CCSER1: variants seen among roughly 807,000 people sequenced by gnomAD.
The protein encoded by CCSER1 is coiled-coil serine rich protein 1, also known as serine-rich coiled-coil domain-containing protein 1.
CCSER1 carries 41 observed loss-of-function variants against 82.0 expected under a neutral mutation model. The observed-to-expected ratio is 0.50, with a 90% confidence interval of 0.39 to 0.65. The LOEUF (loss-of-function observed/expected upper bound fraction) is 0.65. Among genes scored for constraint, CCSER1 ranks in the 30% least tolerant of loss-of-function variants. The probability of loss-of-function intolerance (pLI) is 0.00; values close to 1 mark genes in which losing one functional copy is unlikely to be tolerated. For synonymous variants in CCSER1, 414 were observed against 383.9 expected (o/e 1.08, Z -0.92); for missense variants, 1,119 against 1,064.2 (o/e 1.05, Z -0.72).
At chr4:90,245,615 TTTATG>T (rs1721285260) in intron 1 of CCSER1, among the ~76,000 whole-genome samples, 1 of 152,138 alleles carries the variant, frequency 6.6e-6, no homozygotes, top group South Asian at 2.1e-4. Context: ...CAAGGTAACC[TTTATG>T]TTATATTTCC....
At chr4:90,567,037 C>CAAAA (rs142427787) in intron 5 of CCSER1, among the ~76,000 whole-genome samples, 1 of 150,752 alleles carries the variant, frequency 6.6e-6, no homozygotes, top group African/African-American at 2.4e-5. Context: ...AAAACAAAAA[C>CAAAA]AAAAAAACCT....
At chr4:91,418,432 CATA>C (rs1753507350) in intron 10 of CCSER1, among the ~76,000 whole-genome samples, 1 of 150,558 alleles carries the variant, frequency 6.6e-6, no homozygotes, top group African/African-American at 2.5e-5. Flanking sequence ...TACAAAAGAT[CATA>C]ATACTATGAA....
chr4:90,516,012 G>T (rs1772212744), intron 5 of CCSER1, among the ~76,000 whole-genome samples: 2 of 152,106 alleles, frequency 1.3e-5, no homozygotes, highest in Non-Finnish European at 2.9e-5. Context: ...CATGAAGCCT[G>T]GAATCAAGTG....
intron 4 of CCSER1, among the ~76,000 whole-genome samples, chr4:90,433,198 C>T (rs1017708255): frequency 3.3e-5 from 5 of 152,106 alleles, no homozygotes; most frequent in South Asian, 2.1e-4. Context: ...TGTGCATTAG[C>T]GCCCCACATT....
intron 6 of CCSER1, 115 bp from the exon 7 acceptor site, chr4:90,723,799 T>C (rs1349659941): frequency 2.3e-6 from 1 of 443,214 alleles, no homozygotes; most frequent in Admixed American, 4.1e-5. Flanking sequence ...TTTTTTACAT[T>C]CATATTTTAC....
At chr4:90,512,307 C>CA (rs34130886) in intron 5 of CCSER1, among the ~76,000 whole-genome samples, 2,073 of 110,284 alleles carry the variant, frequency 0.019, 37 homozygotes, top group African/African-American at 0.057. Flanking sequence ...GAATTCCAAG[C>CA]AAAAAAAAAA....
rs187465156 is a variant in CCSER1, at chr4:91,350,657, G to A, written c.2218-247915G>A. ...ACTTTTGCAGTTTAAAAATTTGACTGCAGAACGTTGATAGTTTAACATTGA... is the reference window on the plus strand; with the variant it reads ...ACTTTTGCAGTTTAAAAATTTGACTACAGAACGTTGATAGTTTAACATTGA... On this transcript the variant is annotated intron_variant, in intron 10 of 10. Transcript: ENST00000509176. 2.0e-4 allele frequency among the ~76,000 whole-genome samples: 31 copies of A among 152,134 alleles called. No homozygotes were observed. In the East Asian group the frequency reaches 4.6e-3, roughly 23 times the overall value.
chr4:91,224,653 C>T (rs1417056889), intron 10 of CCSER1, among the ~76,000 whole-genome samples: 1 of 151,948 alleles, frequency 6.6e-6, no homozygotes, highest in Admixed American at 6.6e-5. Context: ...AATTAGGAAA[C>T]CTAAAGGGTC....
At chr4:90,717,543 C>CA (rs1741841740) in intron 6 of CCSER1, among the ~76,000 whole-genome samples, 1 of 152,022 alleles carries the variant, frequency 6.6e-6, no homozygotes, top group African/African-American at 2.4e-5. Context: ...ATGGAATATG[C>CA]ACCACTTAGA....
chr4:91,159,844 T>C (rs75714308), intron 10 of CCSER1, among the ~76,000 whole-genome samples: 1 of 151,978 alleles, frequency 6.6e-6, no homozygotes, highest in African/African-American at 2.4e-5. Flanking sequence ...AAGATATTTT[T>C]AATACCATGA....
intron 7 of CCSER1, among the ~76,000 whole-genome samples, chr4:90,796,417 T>TA (rs762470908): frequency 8.0e-5 from 11 of 137,610 alleles, no homozygotes; most frequent in East Asian, 2.0e-4. Context: ...TGTACTAAAT[T>TA]TAAAAAAAAA....
chr4:90,432,578 CCT>C (rs765341610), intron 4 of CCSER1, among the ~76,000 whole-genome samples: 6 of 150,872 alleles, frequency 4.0e-5, no homozygotes, highest in African/African-American at 7.3e-5. Flanking sequence ...TTCCTTCTTT[CCT>C]CTCTCTCTCT....
chr4:90,143,335 C>G (rs1440707536), intron 1 of CCSER1, among the ~76,000 whole-genome samples: 1 of 152,022 alleles, frequency 6.6e-6, no homozygotes, highest in African/African-American at 2.4e-5. Flanking sequence ...TACCATATAC[C>G]TTTCTTTCAT....
chr4:90,448,331 A>G (rs1469366690), intron 4 of CCSER1, among the ~76,000 whole-genome samples: 1 of 151,214 alleles, frequency 6.6e-6, no homozygotes, highest in African/African-American at 2.4e-5. Flanking sequence ...TACTTGCTAT[A>G]GCAAAACTGC....
At position 90,571,842 on chromosome 4, in the gene CCSER1, CT is replaced by C. The variant is rs143788233; in HGVS notation, c.1725-56182del. On this transcript the variant is annotated intron_variant, in intron 5 of 10. Coordinates refer to ENST00000509176, the MANE Select transcript of CCSER1 (RefSeq NM_001145065.2). ...CATTTGCATATTTTATATTGCACAT[CT>C]CTTAAATTATTGTAACTATTATTTT... Among the ~76,000 whole-genome samples, 95 of 152,146 alleles carry C rather than the reference CT, an allele frequency of 6.2e-4. No homozygotes were observed. The East Asian group carries it at 0.017, about 27-fold the overall frequency.
Position 91,571,007 on chromosome 4 carries a change from A to G in CCSER1, c.2218-27565A>G, listed in dbSNP as rs192090888. Among the ~76,000 whole-genome samples the G allele has an allele frequency of 2.7e-3, 411 of 152,292 alleles. 3 individuals carry two copies. Among genetic ancestry groups the G allele is most frequent in the African/African-American group, 9.7e-3 (402 of 41,572 alleles). On this transcript the variant is annotated intron_variant, in intron 10 of 10. Transcript: ENST00000509176. Reference sequence around the variant, plus strand: ...CAAGTTCAAAGTTCCACAGATCTCTAGGGCAGGGGCAAAATTCCACCAGTC... The same window carrying G: ...CAAGTTCAAAGTTCCACAGATCTCTGGGGCAGGGGCAAAATTCCACCAGTC...
At position 91,602,542 on chromosome 4, in the gene CCSER1, C is replaced by T. The variant is rs1457174965; in HGVS notation, c.*3485C>T. Among the ~76,000 whole-genome samples, 3 of 151,996 alleles carry T rather than the reference C, an allele frequency of 2.0e-5. No homozygotes were observed. Among genetic ancestry groups the T allele is most frequent in the Non-Finnish European group, 4.4e-5 (3 of 67,916 alleles). Reference sequence around the variant, plus strand: ...TCTGCACATCATTCGTCATCATCAGCTTCTCATTATAAAGAAATAGTAACC... The same window carrying T: ...TCTGCACATCATTCGTCATCATCAGTTTCTCATTATAAAGAAATAGTAACC... On this transcript the variant is annotated 3_prime_UTR_variant, in exon 11 of 11. Transcript: ENST00000509176.
At chr4:90,974,864 C>G (rs969413950) in intron 9 of CCSER1, among the ~76,000 whole-genome samples, 7 of 151,474 alleles carry the variant, frequency 4.6e-5, no homozygotes, top group African/African-American at 1.7e-4. Context: ...TTCCACACTT[C>G]AGTGTATACC....
intron 9 of CCSER1, among the ~76,000 whole-genome samples, chr4:91,045,899 G>A (rs915872647): frequency 6.6e-6 from 1 of 151,522 alleles, no homozygotes; most frequent in African/African-American, 2.4e-5. Flanking sequence ...TCAGCAAAGG[G>A]AGATAGGGGT....
Sources: allele counts gnomAD v4.1 joint callset (sites outside exome capture counted in the v4.1 genomes callset), GRCh38; gene constraint gnomAD v4.1.1; transcripts MANE v1.5; gene names NCBI Gene and HGNC (gene_info 2026-07-23, HGNC 2026-07-21).